The following GRAMD1C variants were observed in gnomAD, a reference collection of about 807,000 sequenced individuals.
GRAMD1C encodes the protein protein Aster-C.
GRAMD1C carries 89 observed loss-of-function variants against 97.8 expected under a neutral mutation model. The observed-to-expected ratio is 0.91, with a 90% CI of 0.77 to 1.09. The LOEUF is 1.09. Ranked by LOEUF, GRAMD1C falls within the 50% of genes least tolerant of loss-of-function variation. The pLI, the probability that GRAMD1C is intolerant of heterozygous loss-of-function variation, is 0.00. For synonymous variants in GRAMD1C, 256 were observed against 267.0 expected, an observed-to-expected ratio of 0.96 and a Z score of 0.40; for missense variants, 740 against 766.4, an observed-to-expected ratio of 0.97 and a Z score of 0.41.
chr3:113,881,616 T>G (rs1405675154), intron 5 of GRAMD1C, among the ~76,000 whole-genome samples: 2 of 152,146 alleles, frequency 1.3e-5, no homozygotes, highest in African/African-American at 4.8e-5. Context: ...CTAAGCTATA[T>G]AGTACAAGAA....
upstream of GRAMD1C, among the ~76,000 whole-genome samples, chr3:113,834,140 A>C (rs183704593): frequency 6.6e-6 from 1 of 152,270 alleles, no homozygotes; most frequent in African/African-American, 2.4e-5. Context: ...GTAATTTTTG[A>C]AGCTATTGCC....
chr3:113,890,827 T>A, intron 6 of GRAMD1C: 1 of 678,526 alleles, frequency 1.5e-6, no homozygotes, highest in Admixed American at 2.1e-5. Context: ...GGTTTACAGA[T>A]GAGCCAAGGG....
chr3:113,861,570 A>G (rs1300128356), intron 2 of GRAMD1C, among the ~76,000 whole-genome samples: 22 of 152,202 alleles, frequency 1.4e-4, no homozygotes, highest in South Asian at 4.1e-4. Flanking sequence ...AAGAAAATGA[A>G]AAGATCACCC....
intron 8 of GRAMD1C, among the ~76,000 whole-genome samples, chr3:113,904,671 T>G (rs2107320434): frequency 6.6e-6 from 1 of 152,218 alleles, no homozygotes; most frequent in East Asian, 1.9e-4. Context: ...GAATCTGTTT[T>G]GAAGGGAGAG....
At chr3:113,835,960 T>C (rs904214383), upstream of GRAMD1C, among the ~76,000 whole-genome samples, 26 of 152,212 alleles carry the variant, frequency 1.7e-4, no homozygotes, top group Non-Finnish European at 2.9e-5. Flanking sequence ...GTATGTCATA[T>C]ATATTTAAGA....
chr3:113,870,043 A>G (rs1934734403), intron 3 of GRAMD1C, among the ~76,000 whole-genome samples: 1 of 152,118 alleles, frequency 6.6e-6, no homozygotes. Flanking sequence ...TGTGGGAGCT[A>G]AAAAGAAATT....
chr3:113,940,645 A>G lies in GRAMD1C; in HGVS notation c.1908+300A>G, dbSNP rs556602246. Among the ~76,000 whole-genome samples the G allele has an allele frequency of 3.3e-3, 463 of 139,208 alleles. 2 individuals carry two copies. Among genetic ancestry groups the G allele is most frequent in the African/African-American group, 0.011 (443 of 40,644 alleles). 91.3% of individuals were successfully genotyped at this position (139,208 alleles called of 152,430 possible). A position where few individuals can be genotyped will look rare whatever the true frequency, so the allele number is the denominator to read the frequency against. ...GTGTGTATACATCTACTTCATTTTT[A>G]TTGATCTTTCTAAATAAAATTCGAT... is the stretch of plus-strand genomic sequence containing the variant. On this transcript the variant is annotated intron_variant, in intron 17 of 17. Transcript: ENST00000358160.
rs1559832189 is a variant in GRAMD1C at position 113,945,530 on chromosome 3, T to C, written c.*52T>C. 3 of 951,018 alleles carry C rather than the reference T, an allele frequency of 3.2e-6. No individual in the cohort carries two copies. Among genetic ancestry groups the C allele is most frequent in the Admixed American group, 2.0e-5 (1 of 49,310 alleles). 58.9% of individuals were successfully genotyped at this position (951,018 alleles called of 1,614,324 possible). On this transcript the variant is annotated 3_prime_UTR_variant, in exon 18 of 18. Coordinates refer to ENST00000358160, the MANE Select transcript of GRAMD1C (RefSeq NM_017577.5). ...ATACTTGGAACTTAAAGAAAATACC[T>C]GGAAGAAAACCAGACGAATGAAGGA... is the stretch of plus-strand genomic sequence containing the variant.
intron 2 of GRAMD1C, chr3:113,850,392 C>G: frequency 1.2e-6 from 1 of 857,984 alleles, no homozygotes; most frequent in Non-Finnish European, 2.0e-6. Flanking sequence ...GTGAGTCTTG[C>G]AGGTCGCTCA....
chr3:113,841,999 G>A (rs1476758062), intron 1 of GRAMD1C, among the ~76,000 whole-genome samples: 2 of 152,136 alleles, frequency 1.3e-5, no homozygotes, highest in Non-Finnish European at 2.9e-5. Context: ...TACCCAGCCT[G>A]TTGTCCCACT....
chr3:113,911,173 G>GAC (rs60151773), intron 9 of GRAMD1C, among the ~76,000 whole-genome samples: 2 of 147,440 alleles, frequency 1.4e-5, no homozygotes, highest in Non-Finnish European at 3.0e-5. Flanking sequence ...CAGAGAGAGA[G>GAC]ACACACACAC....
At chr3:113,893,923 AAC>A (rs1274235712) in intron 6 of GRAMD1C, among the ~76,000 whole-genome samples, 9 of 152,206 alleles carry the variant, frequency 5.9e-5, no homozygotes, top group Non-Finnish European at 1.2e-4. Context: ...GATGGGGGAA[AAC>A]ACAGACATTT....
At chr3:113,896,451 T>G (rs1360201775) in intron 6 of GRAMD1C, among the ~76,000 whole-genome samples, 1 of 152,194 alleles carries the variant, frequency 6.6e-6, no homozygotes, top group Admixed American at 6.5e-5. Context: ...CTACTAAATT[T>G]AGCTCTGCCC....
At chr3:113,878,108 A>G (rs2107390231) in intron 5 of GRAMD1C, among the ~76,000 whole-genome samples, 1 of 152,282 alleles carries the variant, frequency 6.6e-6, no homozygotes, top group East Asian at 1.9e-4. Context: ...AACTATGCAG[A>G]TATACCATTC....
chr3:113,910,950 A>T (rs1019168438), intron 9 of GRAMD1C, among the ~76,000 whole-genome samples: 38 of 152,174 alleles, frequency 2.5e-4, no homozygotes, highest in Non-Finnish European at 1.0e-4. Flanking sequence ...GCCATAACAA[A>T]ATACTACAGA....
chr3:113,867,082 G>T (rs1158679800), intron 2 of GRAMD1C, among the ~76,000 whole-genome samples: 1 of 152,026 alleles, frequency 6.6e-6, no homozygotes, highest in African/African-American at 2.4e-5. Flanking sequence ...ACCCGCCTTG[G>T]CCTCCCAAAG....
intron 9 of GRAMD1C, 52 bp from the exon 10 acceptor site, chr3:113,915,649 A>T: frequency 6.6e-7 from 1 of 1,519,812 alleles, no homozygotes. Flanking sequence ...AAAGCCTTAA[A>T]ATAAACTTTC....
At chr3:113,891,349 T>A (rs2107424513) in intron 6 of GRAMD1C, among the ~76,000 whole-genome samples, 1 of 152,212 alleles carries the variant, frequency 6.6e-6, no homozygotes, top group African/African-American at 2.4e-5. Context: ...ATTTATGAAG[T>A]ATTAGGTGCC....
rs765470387 is a variant in GRAMD1C, at chr3:113,876,148, A to AT, written c.364-11dup. On this transcript the variant is annotated splice_polypyrimidine_tract_variant and intron_variant, in intron 4 of 17. Coordinates refer to ENST00000358160, the MANE Select transcript of GRAMD1C (RefSeq NM_017577.5). The stretch of plus-strand genomic sequence containing the variant: ...TGTTTCTGAAAAATACATTAAAAAA[A>AT]TTTTTTGTGTGTTTAGATTTCTATT... 8.6e-6 allele frequency: 11 copies of AT among 1,284,870 alleles called. No homozygotes were observed. Among genetic ancestry groups the AT allele is most frequent in the Admixed American group, 1.8e-5 (1 of 54,262 alleles). The allele number at this position is 1,284,870 out of a possible 1,614,324, so 79.6% of individuals were successfully genotyped here. A position where few individuals can be genotyped will look rare whatever the true frequency, so the allele number is the denominator to read the frequency against.
Sources: gnomAD v4.1 joint callset for allele counts (sites outside exome capture counted in the v4.1 genomes callset) on GRCh38, gnomAD v4.1.1 for gene constraint, MANE v1.5 for transcripts, NCBI Gene and HGNC (gene_info 2026-07-23, HGNC 2026-07-21) for gene names.